Variants in GOLGA7B observed in about 807,000 individuals in gnomAD.
GOLGA7B encodes the protein golgin A7 family member B.
A neutral mutation model predicts 21.5 loss-of-function variants in GOLGA7B; 17 were observed. The ratio of observed to expected loss-of-function variants is 0.79; its 90% confidence interval spans 0.54 to 1.19. The LOEUF (loss-of-function observed/expected upper bound fraction) is 1.19, where lower values mean the gene tolerates loss of function less well. Among genes scored for constraint, GOLGA7B ranks in the 50% most tolerant of loss-of-function variants. The probability of loss-of-function intolerance (pLI) is 0.00; values close to 1 mark genes in which losing one functional copy is unlikely to be tolerated. For missense variants in GOLGA7B, 169 were observed against 224.4 expected, an observed-to-expected ratio of 0.75 and a Z score of 1.58; for synonymous variants, 87 against 84.0, an observed-to-expected ratio of 1.04 and a Z score of -0.19.
intron 2 of GOLGA7B, 115 bp downstream of exon 2, chr10:97,859,698 T>A: frequency 9.4e-7 from 1 of 1,065,768 alleles, no homozygotes; most frequent in South Asian, 1.9e-5. Context: ...ACACGTAACA[T>A]GTTTGGCCAC....
chr10:97,851,926 C>A (rs962272770), intron 1 of GOLGA7B, among the ~76,000 whole-genome samples: 1 of 152,212 alleles, frequency 6.6e-6, no homozygotes, highest in Non-Finnish European at 1.5e-5. Context: ...GAAAATATTG[C>A]GCTTTCCTGT....
In GOLGA7B at chr10:97,870,052, T is replaced by C. The variant is rs2050074756; in HGVS notation, c.*4352T>C. 6.6e-6 allele frequency: 1 copy of C among 152,204 alleles called. No individual in the cohort carries two copies. The highest frequency in any genetic ancestry group is 6.5e-5 in the Admixed American group (1 of 15,284). 9.4% of individuals were successfully genotyped at this position (152,204 alleles called of 1,614,324 possible). A position where few individuals can be genotyped will look rare whatever the true frequency, so the allele number is the denominator to read the frequency against. ...CCCAGTTGTTAAATAGGGAGACTAA[T>C]ATCTCACAGAGTTGTTTAGACCCGA... On this transcript the variant is annotated 3_prime_UTR_variant, in exon 5 of 5. Transcript: ENST00000370602.
intron 1 of GOLGA7B, among the ~76,000 whole-genome samples, chr10:97,855,391 A>G (rs1045176863): frequency 2.0e-5 from 3 of 152,274 alleles, no homozygotes; most frequent in African/African-American, 7.2e-5. Flanking sequence ...CTACAAGGCT[A>G]TAGTAACCAA....
At chr10:97,852,524 G>C (rs1264978646) in intron 1 of GOLGA7B, among the ~76,000 whole-genome samples, 1 of 152,200 alleles carries the variant, frequency 6.6e-6, no homozygotes. Context: ...TCTGGGTTGT[G>C]GGGTGAGTCA....
chr10:97,861,120 G>A (rs2049968814), intron 2 of GOLGA7B, among the ~76,000 whole-genome samples: 1 of 152,140 alleles, frequency 6.6e-6, no homozygotes, highest in Non-Finnish European at 1.5e-5. Flanking sequence ...TCCGAATCTG[G>A]GTTTTAATCT....
intron 2 of GOLGA7B, among the ~76,000 whole-genome samples, chr10:97,860,533 A>G (rs1368520492): frequency 6.6e-6 from 1 of 152,164 alleles, no homozygotes; most frequent in Non-Finnish European, 1.5e-5. Context: ...TTGTAATTTT[A>G]GTAGAGACGG....
intron 2 of GOLGA7B, 84 bp downstream of exon 2, chr10:97,859,667 T>G: frequency 1.4e-6 from 2 of 1,417,248 alleles, no homozygotes; most frequent in Non-Finnish European, 1.9e-6. Flanking sequence ...TCCAGGATCC[T>G]ATGACACATA....
At chr10:97,851,736 A>G (rs2049906965) in intron 1 of GOLGA7B, among the ~76,000 whole-genome samples, 1 of 152,238 alleles carries the variant, frequency 6.6e-6, no homozygotes, top group Non-Finnish European at 1.5e-5. Flanking sequence ...CAGAGAAGGC[A>G]GCTGCCTCTG....
Position 97,850,322 on chromosome 10 carries a change from G to C in GOLGA7B, c.12+7G>C. On this transcript the variant is annotated splice_region_variant and intron_variant, in intron 1 of 4. Transcript: ENST00000370602. Reference sequence around the variant, plus strand: ...CCGGATCATGGCCACCGAGGTAGGGGCGAGCGCCCCACCCGCAGGCAGTGC... The same window carrying C: ...CCGGATCATGGCCACCGAGGTAGGGCCGAGCGCCCCACCCGCAGGCAGTGC... 2 of 1,515,740 alleles carry C rather than the reference G, an allele frequency of 1.3e-6. No homozygotes were observed. The highest frequency in any genetic ancestry group is 1.8e-6 in the Non-Finnish European group (2 of 1,133,046). The allele number at this position is 1,515,740 out of a possible 1,614,324, so 93.9% of individuals were successfully genotyped here. A position where few individuals can be genotyped will look rare whatever the true frequency, so the allele number is the denominator to read the frequency against.
rs117126373 is a variant in GOLGA7B, at chr10:97,853,278, C to T, written c.12+2963C>T. 2.3e-3 allele frequency among the ~76,000 whole-genome samples: 350 copies of T among 152,234 alleles called. 2 individuals carry two copies. Among genetic ancestry groups the T allele is most frequent in the African/African-American group, 8.1e-3 (336 of 41,530 alleles). ...CCAGGAAGCAGAGTGCTGGCATCAG[C>T]GGAACCTCCTAATTCTCGATGCCTC... On this transcript the variant is annotated intron_variant, in intron 1 of 4. Coordinates refer to ENST00000370602, the MANE Select transcript of GOLGA7B (RefSeq NM_001010917.3).
rs2136524675 is a variant in GOLGA7B at position 97,868,314 on chromosome 10, T to C, written c.*2614T>C. Reference sequence around the variant, plus strand: ...TCCAGAGAGGGTGGGTGACTTGCCCTAGGCCACACAGCTGGTTGATGATAA... The same window carrying C: ...TCCAGAGAGGGTGGGTGACTTGCCCCAGGCCACACAGCTGGTTGATGATAA... On this transcript the variant is annotated 3_prime_UTR_variant, in exon 5 of 5. Transcript: ENST00000370602. 1 of 152,470 alleles carries C rather than the reference T, an allele frequency of 6.6e-6. No individual in the cohort carries two copies. Among genetic ancestry groups the C allele is most frequent in the East Asian group, 1.9e-4 (1 of 5,192 alleles). The allele number at this position is 152,470 out of a possible 1,614,324, so 9.4% of individuals were successfully genotyped here.
chr10:97,858,663 C>G (rs901168337), intron 1 of GOLGA7B, among the ~76,000 whole-genome samples: 1 of 151,958 alleles, frequency 6.6e-6, no homozygotes, highest in African/African-American at 2.4e-5. Context: ...CATTTCTGGC[C>G]TCTGTCCATT....
Position 97,850,112 on chromosome 10 carries a change from C to G in GOLGA7B, c.-192C>G, listed in dbSNP as rs2049894718. 2 of 191,034 alleles carry G rather than the reference C, an allele frequency of 1.0e-5. No homozygotes were observed. The highest frequency in any genetic ancestry group is 2.1e-5 in the Non-Finnish European group (2 of 95,670). The allele number at this position is 191,034 out of a possible 1,614,324, so 11.8% of individuals were successfully genotyped here. ...TCAGCACAGCGGACAGCGCCGCGCC[C>G]CTTGCCTGGACCCAGCCGCCCGCCC... On this transcript the variant is annotated 5_prime_UTR_variant, in exon 1 of 5. Transcript: ENST00000370602.
rs1391949159 is a variant in GOLGA7B at position 97,866,647 on chromosome 10, T to G, written c.*947T>G. The G allele has an allele frequency of 1.3e-5, 2 of 152,254 alleles. No homozygotes were observed. Among genetic ancestry groups the G allele is most frequent in the African/African-American group, 4.8e-5 (2 of 41,434 alleles). 9.4% of individuals were successfully genotyped at this position (152,254 alleles called of 1,614,324 possible). A position where few individuals can be genotyped will look rare whatever the true frequency, so the allele number is the denominator to read the frequency against. On this transcript the variant is annotated 3_prime_UTR_variant, in exon 5 of 5. Transcript: ENST00000370602. ...ATGTGTGTGCACCAGTGCACAAGTG[T>G]ATGAATGTGGACACATTTATAAGCA...
intron 2 of GOLGA7B, among the ~76,000 whole-genome samples, chr10:97,863,247 C>T (rs962226488): frequency 6.6e-6 from 1 of 152,166 alleles, no homozygotes; most frequent in Non-Finnish European, 1.5e-5. Flanking sequence ...ATGGGGATGG[C>T]AGTAGTACTT....
chr10:97,863,885 A>G (rs939538328), intron 2 of GOLGA7B, 45 bp from the exon 3 acceptor site: 2 of 1,566,560 alleles, frequency 1.3e-6, no homozygotes, highest in Non-Finnish European at 8.7e-7. Context: ...GACTGTGCAC[A>G]CTCCAGGGAG....
chr10:97,859,408 G>A (rs1427537758), intron 1 of GOLGA7B, 50 bp from the exon 2 acceptor site: 1 of 1,595,426 alleles, frequency 6.3e-7, no homozygotes, highest in Admixed American at 1.7e-5. Context: ...TTTGGGATAT[G>A]CCGAGATGGA....
At chr10:97,863,763 C>A (rs2049987688) in intron 2 of GOLGA7B, among the ~76,000 whole-genome samples, 167 bp from the exon 3 acceptor site, 2 of 152,242 alleles carry the variant, frequency 1.3e-5, no homozygotes, top group South Asian at 4.1e-4. Context: ...CTCCTGACTC[C>A]CAGGCCAGTG....
rs1325665695 is a variant in GOLGA7B at position 97,849,859 on chromosome 10, C to T, written c.-445C>T. On this transcript the variant is annotated 5_prime_UTR_variant, in exon 1 of 5. Coordinates refer to ENST00000370602, the MANE Select transcript of GOLGA7B (RefSeq NM_001010917.3). ...GCCTCGCGCGGGGCGGTAGCCGAGC[C>T]TGTGGCCCGGGCGGGGCTCCTCTCC... 1 of 151,840 alleles carries T rather than the reference C, an allele frequency of 6.6e-6. No homozygotes were observed. The highest frequency in any genetic ancestry group is 1.5e-5 in the Non-Finnish European group (1 of 67,894). 9.4% of individuals were successfully genotyped at this position (151,840 alleles called of 1,614,324 possible).
Sources: gnomAD v4.1 joint callset for allele counts (sites outside exome capture counted in the v4.1 genomes callset) on GRCh38, gnomAD v4.1.1 for gene constraint, MANE v1.5 for transcripts, NCBI Gene and HGNC (gene_info 2026-07-23, HGNC 2026-07-21) for gene names.